Variants in CCNYL1 observed in about 807,000 individuals in gnomAD.
CCNYL1 encodes cyclin Y like 1.
A neutral mutation model predicts 44.2 loss-of-function variants in CCNYL1; 16 were observed. The observed-to-expected ratio is 0.36, with a 90% confidence interval of 0.25 to 0.55. CCNYL1 has a LOEUF of 0.55. CCNYL1 is among the 20% of genes least tolerant of loss of function. CCNYL1 has a pLI of 0.85. For missense variants in CCNYL1, 348 were observed against 451.8 expected (o/e 0.77, Z 2.08); for synonymous variants, 159 against 163.2 (o/e 0.97, Z 0.20).
intron 3 of CCNYL1, among the ~76,000 whole-genome samples, chr2:207,728,351 C>T (rs2091696782): frequency 6.6e-6 from 1 of 150,730 alleles, no homozygotes; most frequent in African/African-American, 2.4e-5. Flanking sequence ...TCTTGGCTTA[C>T]TGCATCCTTA....
chr2:207,732,580 G>C (rs1002673362), intron 3 of CCNYL1, among the ~76,000 whole-genome samples: 1 of 150,350 alleles, frequency 6.7e-6, no homozygotes, highest in African/African-American at 2.5e-5. Flanking sequence ...AAGAAGGAAG[G>C]CTCATCTGAA....
At chr2:207,735,287 GA>G (rs1224898861) in intron 4 of CCNYL1, among the ~76,000 whole-genome samples, 1 of 152,212 alleles carries the variant, frequency 6.6e-6, no homozygotes, top group Non-Finnish European at 1.5e-5. Flanking sequence ...GAAAGATTTT[GA>G]AAAATGTTTA....
chr2:207,724,567 A>T (rs1377275565), intron 1 of CCNYL1, among the ~76,000 whole-genome samples: 2 of 152,180 alleles, frequency 1.3e-5, no homozygotes, highest in Non-Finnish European at 2.9e-5. Context: ...TTAGGCACAG[A>T]TTTTTTATTA....
Position 207,751,009 on chromosome 2 carries a change from C to A in CCNYL1, c.859C>A (p.Pro287Thr). 6.2e-7 allele frequency: 1 copy of A among 1,613,950 alleles called. No homozygotes were observed. Among genetic ancestry groups the A allele is most frequent in the Non-Finnish European group, 8.5e-7 (1 of 1,179,884 alleles). The part of the protein sequence containing the change: ...LELLQFNINV[P>T]ASVYAKYYFD... The stretch of plus-strand genomic sequence containing the variant: ...GCTTCTTCAGTTTAATATTAATGTT[C>A]CTGCCAGTGTTTATGCCAAATACTA... The change falls in exon 9 of 10, where the codon CCT becomes ACT. Residue 287 changes from proline to threonine, a missense_variant. Transcript: ENST00000295414.
At chr2:207,740,898 C>T (rs889504179) in intron 6 of CCNYL1, among the ~76,000 whole-genome samples, 192 bp downstream of exon 6, 2 of 152,178 alleles carry the variant, frequency 1.3e-5, no homozygotes, top group Admixed American at 6.5e-5. Flanking sequence ...GATAGCCGCT[C>T]GTGGCTAATG....
chr2:207,734,158 T>G (rs1036837369), intron 4 of CCNYL1, 111 bp downstream of exon 4: 2 of 616,342 alleles, frequency 3.2e-6, no homozygotes, highest in Admixed American at 2.8e-5. Flanking sequence ...AGCAATGAGT[T>G]TAAGAAATCG....
Position 207,750,960 on chromosome 2 carries a change from T to C in CCNYL1, c.810T>C (p.Asn270=). 6.2e-7 allele frequency: 1 copy of C among 1,613,254 alleles called. No individual in the cohort carries two copies. Among genetic ancestry groups the C allele is most frequent in the Non-Finnish European group, 8.5e-7 (1 of 1,179,714 alleles). ...ILKDITVEDM[N]EMERHFLELL... is the part of the protein sequence containing the mutation. ...TGTTGTGTTCTTCCTCCTCCAGGAA[T>C]GAAATGGAAAGGCATTTTCTGGAGC... The change falls in exon 9 of 10, where the codon AAT becomes AAC. Residue 270 remains asparagine (N), a synonymous_variant. Transcript: ENST00000295414.
intron 5 of CCNYL1, among the ~76,000 whole-genome samples, chr2:207,737,759 A>G (rs562784874): frequency 6.6e-6 from 1 of 152,282 alleles, no homozygotes; most frequent in South Asian, 2.1e-4. Flanking sequence ...TTTGAGCTAC[A>G]TAAGTCTTTG....
chr2:207,753,424 G>A (rs571790639), intron 9 of CCNYL1, among the ~76,000 whole-genome samples, 164 bp from the exon 10 acceptor site: 1 of 152,340 alleles, frequency 6.6e-6, no homozygotes, highest in South Asian at 2.1e-4. Context: ...GAACTGTCAG[G>A]AAGTAGTGTC....
chr2:207,714,552 G>T, intron 1 of CCNYL1: 1 of 270,890 alleles, frequency 3.7e-6, no homozygotes, highest in Non-Finnish European at 7.3e-6. Flanking sequence ...TAAACAGGTT[G>T]ATAAATTTTA....
At position 207,742,356 on chromosome 2, in the gene CCNYL1, C is replaced by T. The variant is rs760019377; in HGVS notation, c.639+14C>T. 8 of 1,606,024 alleles carry T rather than the reference C, an allele frequency of 5.0e-6. No individual in the cohort carries two copies. The highest frequency in any genetic ancestry group is 1.7e-6 in the Non-Finnish European group (2 of 1,176,422). On this transcript the variant is annotated intron_variant, in intron 7 of 9. Transcript: ENST00000295414. ...ATAGTAACTTTGGTAAGATATTTCT[C>T]ATTTATAAAGTGTCTTTAGAAATTA...
intron 4 of CCNYL1, among the ~76,000 whole-genome samples, chr2:207,736,720 G>C (rs1331861743): frequency 3.3e-5 from 5 of 152,112 alleles, no homozygotes; most frequent in Non-Finnish European, 7.4e-5. Flanking sequence ...CAACTGAAAT[G>C]CAGAGCCTAA....
intron 3 of CCNYL1, among the ~76,000 whole-genome samples, chr2:207,732,258 C>T (rs2091734327): frequency 6.6e-6 from 1 of 152,072 alleles, no homozygotes; most frequent in South Asian, 2.1e-4. Flanking sequence ...GCTTAAGAAA[C>T]ATGAGTTTAG....
At chr2:207,717,772 C>T (rs746738418) in intron 1 of CCNYL1, among the ~76,000 whole-genome samples, 2 of 151,908 alleles carry the variant, frequency 1.3e-5, no homozygotes, top group East Asian at 1.9e-4. Context: ...AGGGTGGCTG[C>T]GGAAGAGTGA....
rs987104965 is a variant in CCNYL1, at chr2:207,724,742, C to G, written c.221-58C>G. Reference sequence around the variant, plus strand: ...GATTAAAATGGATGTGTATCTATTTCAGAAATCATCTTTTCTACTCACCTA... The same window carrying G: ...GATTAAAATGGATGTGTATCTATTTGAGAAATCATCTTTTCTACTCACCTA... On this transcript the variant is annotated intron_variant, in intron 1 of 9. Transcript: ENST00000295414. 2.4e-6 allele frequency: 3 copies of G among 1,248,246 alleles called. No individual in the cohort carries two copies. In the Admixed American group the frequency reaches 5.2e-5, roughly 22 times the overall value. The allele number at this position is 1,248,246 out of a possible 1,614,324, so 77.3% of individuals were successfully genotyped here.
chr2:207,725,820 C>T (rs1193572922), intron 2 of CCNYL1, among the ~76,000 whole-genome samples: 1 of 152,120 alleles, frequency 6.6e-6, no homozygotes, highest in African/African-American at 2.4e-5. Flanking sequence ...TGTTTATCTT[C>T]CTTATAATTA....
intron 3 of CCNYL1, 79 bp downstream of exon 3, chr2:207,726,955 G>T: frequency 9.8e-7 from 1 of 1,021,914 alleles, no homozygotes; most frequent in Non-Finnish European, 1.4e-6. Flanking sequence ...AAAATATAAT[G>T]GGGACCCAAT....
chr2:207,734,207 ATTTTAATTTCCTG>A (rs1383917097), intron 4 of CCNYL1, among the ~76,000 whole-genome samples, 160 bp downstream of exon 4: 5 of 152,248 alleles, frequency 3.3e-5, no homozygotes, highest in Non-Finnish European at 7.3e-5. Flanking sequence ...CTAAATATGA[ATTTTAATTTCCTG>A]TTTTAATCTT....
intron 8 of CCNYL1, among the ~76,000 whole-genome samples, chr2:207,749,034 A>C (rs2091874393): frequency 6.6e-6 from 1 of 152,224 alleles, no homozygotes; most frequent in African/African-American, 2.4e-5. Flanking sequence ...CAAAACCTGC[A>C]ACTGAACTGA....
Sources: gnomAD v4.1 joint callset for allele counts (sites outside exome capture counted in the v4.1 genomes callset) on GRCh38, gnomAD v4.1.1 for gene constraint, MANE v1.5 for transcripts, NCBI Gene and HGNC (gene_info 2026-07-23, HGNC 2026-07-21) for gene names.